Variants in TPST1 observed in about 807,000 individuals in gnomAD.
The protein encoded by TPST1 is tyrosylprotein sulfotransferase 1, also known as protein-tyrosine sulfotransferase 1.
In TPST1, 20 loss-of-function variants were observed where a neutral mutation model predicts 34.8. The ratio of observed to expected loss-of-function variants is 0.57; its 90% confidence interval spans 0.40 to 0.84. The LOEUF (loss-of-function observed/expected upper bound fraction) is 0.84. Among genes scored for constraint, TPST1 ranks in the 40% least tolerant of loss-of-function variants. The pLI, the probability that TPST1 is intolerant of heterozygous loss-of-function variation, is 0.00. For missense variants in TPST1, 353 were observed against 455.5 expected (o/e 0.78, Z 2.05); for synonymous variants, 152 against 159.4 (o/e 0.95, Z 0.35).
chr7:66,276,338 AT>A (rs1790810551), intron 2 of TPST1, among the ~76,000 whole-genome samples: 1 of 141,078 alleles, frequency 7.1e-6, no homozygotes, highest in East Asian at 2.0e-4. Context: ...GAATTGTTTT[AT>A]TTCTTCTTAA....
intron 1 of TPST1, among the ~76,000 whole-genome samples, chr7:66,218,172 C>T (rs575825215): frequency 1.5e-3 from 233 of 152,288 alleles, no homozygotes; most frequent in African/African-American, 5.4e-3. Context: ...AGCCACTGTA[C>T]CCGGTCCCCC....
At chr7:66,352,250 G>A (rs188588880) in intron 3 of TPST1, among the ~76,000 whole-genome samples, 65 of 152,264 alleles carry the variant, frequency 4.3e-4, no homozygotes, top group African/African-American at 1.6e-3. Flanking sequence ...TTTGTTTTTA[G>A]GGTACCCTGA....
chr7:66,319,187 A>C (rs1273651025), intron 3 of TPST1, among the ~76,000 whole-genome samples: 2 of 151,546 alleles, frequency 1.3e-5, no homozygotes, highest in Non-Finnish European at 2.9e-5. Flanking sequence ...TGTCCTTTGA[A>C]CTCCAGTTAT....
intron 3 of TPST1, among the ~76,000 whole-genome samples, chr7:66,309,034 A>G (rs565534981): frequency 4.9e-4 from 74 of 152,212 alleles, no homozygotes; most frequent in African/African-American, 1.6e-3. Flanking sequence ...AGTAGCTGGG[A>G]TTACAGGTGC....
intron 2 of TPST1, among the ~76,000 whole-genome samples, chr7:66,264,773 A>G (rs1251175064): frequency 2.0e-5 from 3 of 152,230 alleles, no homozygotes; most frequent in African/African-American, 7.2e-5. Context: ...ATGAAACACA[A>G]CAAGAAAAAA....
At chr7:66,233,054 T>C (rs1400120525) in intron 1 of TPST1, among the ~76,000 whole-genome samples, 1 of 152,212 alleles carries the variant, frequency 6.6e-6, no homozygotes, top group Non-Finnish European at 1.5e-5. Context: ...AATTGTTATT[T>C]ATCTTTTTAT....
At chr7:66,219,938 T>C (rs1789505516) in intron 1 of TPST1, among the ~76,000 whole-genome samples, 1 of 152,116 alleles carries the variant, frequency 6.6e-6, no homozygotes. Context: ...TGTAAGGGAT[T>C]GCAAAAAAGA....
chr7:66,256,295 T>A (rs138399313), intron 2 of TPST1, among the ~76,000 whole-genome samples: 161 of 152,348 alleles, frequency 1.1e-3, no homozygotes, highest in African/African-American at 3.6e-3. Context: ...TCAAAGTTAA[T>A]GGATATTGTA....
chr7:66,344,721 ATTT>A (rs757855278), intron 3 of TPST1, among the ~76,000 whole-genome samples: 2 of 128,764 alleles, frequency 1.6e-5, no homozygotes, highest in African/African-American at 2.9e-5. Context: ...AACATTTCTA[ATTT>A]TTTTTTTTTT....
Position 66,240,562 on chromosome 7 carries a change from G to A in TPST1, c.137G>A (p.Ser46Asn), listed in dbSNP as rs757293518. The change falls in exon 2 of 6, where the codon AGC (serine) becomes AAC (asparagine). Residue 46 changes from serine (S) to asparagine (N), a missense_variant. Physicochemically the swap from Ser to Asn is conservative, Grantham distance 46. Transcript: ENST00000304842. Reference protein sequence around the residue: ...EERSQPVKLESTRTTVRTGLD... With the variant: ...EERSQPVKLENTRTTVRTGLD... ...CGTAGCCAGCCAGTCAAATTGGAGA[G>A]CACAAGGACCACTGTGAGAACTGGC... The A allele has an allele frequency of 4.3e-6, 7 of 1,614,062 alleles. No individual in the cohort carries two copies. The highest frequency in any genetic ancestry group is 1.3e-5 in the African/African-American group (1 of 74,922).
chr7:66,349,864 C>T (rs1489024568), intron 3 of TPST1, among the ~76,000 whole-genome samples: 2 of 152,180 alleles, frequency 1.3e-5, no homozygotes, highest in Non-Finnish European at 2.9e-5. Flanking sequence ...AGCTTCAGCC[C>T]CTCCACTGGG....
chr7:66,241,854 C>T (rs1790043257), intron 2 of TPST1, among the ~76,000 whole-genome samples: 1 of 152,146 alleles, frequency 6.6e-6, no homozygotes, highest in Non-Finnish European at 1.5e-5. Flanking sequence ...GATGGCAAGG[C>T]CAGAATTCGA....
intron 3 of TPST1, among the ~76,000 whole-genome samples, chr7:66,298,566 T>G (rs909365709): frequency 3.3e-5 from 5 of 152,232 alleles, no homozygotes; most frequent in Admixed American, 6.5e-5. Flanking sequence ...CTCTGCCTTT[T>G]AAATGGAGAG....
rs1792013756 is a variant in TPST1 at position 66,332,378 on chromosome 7, C to G, written c.1045-20127C>G. On this transcript the variant is annotated intron_variant, in intron 3 of 5. Coordinates refer to ENST00000304842, the MANE Select transcript of TPST1 (RefSeq NM_003596.4). The surrounding 1 kb of genome is among the most constrained non-coding windows in gnomAD (Gnocchi z 4.5). ...CGTCTCCTGAGTTCAAGCGATTCTCCTGCCTCAGCCTCCCGAGTAGCTGGG... is the reference window on the plus strand; with the variant it reads ...CGTCTCCTGAGTTCAAGCGATTCTCGTGCCTCAGCCTCCCGAGTAGCTGGG... 6.6e-6 allele frequency among the ~76,000 whole-genome samples: 1 copy of G among 151,982 alleles called. No individual in the cohort carries two copies. The highest frequency in any genetic ancestry group is 6.6e-5 in the Admixed American group (1 of 15,254).
At chr7:66,324,800 C>CAAAAAAAAAAAAAAA (rs56389964) in intron 3 of TPST1, among the ~76,000 whole-genome samples, 13 of 109,266 alleles carry the variant, frequency 1.2e-4, no homozygotes, top group South Asian at 3.2e-4. Context: ...GACTCTGTCT[C>CAAAAAAAAAAAAAAA]AAAAAAAAAA....
At chr7:66,246,444 T>C (rs569363268) in intron 2 of TPST1, among the ~76,000 whole-genome samples, 1 of 152,162 alleles carries the variant, frequency 6.6e-6, no homozygotes, top group African/African-American at 2.4e-5. Flanking sequence ...TGAAAGGAAA[T>C]CAGAGAGCTG....
chr7:66,286,410 C>A, intron 2 of TPST1, 101 bp from the exon 3 acceptor site: 1 of 914,134 alleles, frequency 1.1e-6, no homozygotes, highest in African/African-American at 1.7e-5. Context: ...TTTTGTAATC[C>A]AGACAACTGT....
At chr7:66,238,032 A>T (rs999543329) in intron 1 of TPST1, among the ~76,000 whole-genome samples, 2 of 152,212 alleles carry the variant, frequency 1.3e-5, no homozygotes, top group Admixed American at 6.5e-5. Context: ...ATATGTCTGC[A>T]TGTAAGTGTG....
intron 3 of TPST1, among the ~76,000 whole-genome samples, chr7:66,328,886 C>CTCTCTCTCTCTATA (rs757168858): frequency 4.5e-5 from 1 of 22,092 alleles, no homozygotes; most frequent in Admixed American, 8.7e-4. Flanking sequence ...CTCTCTCTCT[C>CTCTCTCTCTCTATA]TATATATATA....
Sources: allele counts gnomAD v4.1 joint callset (sites outside exome capture counted in the v4.1 genomes callset), GRCh38; gene constraint gnomAD v4.1.1; non-coding constraint Gnocchi (gnomAD v3.1); transcripts MANE v1.5; gene names NCBI Gene and HGNC (gene_info 2026-07-23, HGNC 2026-07-21).